RUNDC3B: variants seen among roughly 807,000 people sequenced by gnomAD.
RUNDC3B encodes the protein RUN domain-containing protein 3B.
In RUNDC3B, 33 loss-of-function variants were observed where a neutral mutation model predicts 58.4. The ratio of observed to expected loss-of-function variants is 0.56; its 90% CI spans 0.43 to 0.75. The LOEUF (loss-of-function observed/expected upper bound fraction) is 0.75, where lower values mean the gene tolerates loss of function less well. Among genes scored for constraint, RUNDC3B ranks in the 30% least tolerant of loss-of-function variants. The probability of loss-of-function intolerance (pLI) is 0.00; values close to 1 mark genes in which losing one functional copy is unlikely to be tolerated. For synonymous variants in RUNDC3B, 193 were observed against 195.2 expected (o/e 0.99, Z 0.10); for missense variants, 501 against 535.7 (o/e 0.94, Z 0.64).
At chr7:87,829,262 T>A (rs188918709) in intron 10 of RUNDC3B, among the ~76,000 whole-genome samples, 2 of 152,200 alleles carry the variant, frequency 1.3e-5, no homozygotes, top group Non-Finnish European at 2.9e-5. Flanking sequence ...ATTCTGGAGG[T>A]TGTCTGTTTA....
intron 10 of RUNDC3B, among the ~76,000 whole-genome samples, chr7:87,821,970 C>T (rs1306286193): frequency 2.0e-5 from 3 of 152,214 alleles, no homozygotes; most frequent in East Asian, 3.9e-4. Flanking sequence ...CCATTCAGGA[C>T]ATAGGCATGG....
intron 3 of RUNDC3B, among the ~76,000 whole-genome samples, chr7:87,708,307 C>T (rs1230413964): frequency 6.6e-6 from 1 of 151,856 alleles, no homozygotes; most frequent in Non-Finnish European, 1.5e-5. Flanking sequence ...GAAGAAGAGG[C>T]CAAGTGTGTA....
At chr7:87,637,878 A>G (rs1563092749) in intron 1 of RUNDC3B, among the ~76,000 whole-genome samples, 7 of 151,518 alleles carry the variant, frequency 4.6e-5, no homozygotes, top group South Asian at 4.2e-4. Flanking sequence ...TCCTTTTTCA[A>G]TCTTTATGGC....
chr7:87,715,271 TA>T lies in RUNDC3B; in HGVS notation c.458+4618del, dbSNP rs1330087718. 3.2e-3 allele frequency among the ~76,000 whole-genome samples: 418 copies of T among 131,800 alleles called. 6 individuals are homozygous for T. Among genetic ancestry groups the T allele is most frequent in the African/African-American group, 0.012 (399 of 34,394 alleles). The allele number at this position is 131,800 out of a possible 152,430, so 86.5% of individuals were successfully genotyped here. A position where few individuals can be genotyped will look rare whatever the true frequency, so the allele number is the denominator to read the frequency against. On this transcript the variant is annotated intron_variant, in intron 4 of 10. Transcript: ENST00000394654. The stretch of plus-strand genomic sequence containing the variant: ...AATTATATTATATATAATTAATTTA[TA>T]ATAATTATATATAATTAATTTATAA...
chr7:87,787,139 G>C (rs76853366), intron 8 of RUNDC3B, among the ~76,000 whole-genome samples: 1 of 152,096 alleles, frequency 6.6e-6, no homozygotes, highest in East Asian at 1.9e-4. Flanking sequence ...ACATTTCTTT[G>C]TGAATGTTCA....
rs1013765969 is a variant in RUNDC3B at position 87,699,491 on chromosome 7, C to T, written c.239-930C>T. Reference sequence around the variant, plus strand: ...CAACCTCAGCTCACTGCAACCTTCACCTCTTGTGTTCAAGTGATCCTCCTG... The same window carrying T: ...CAACCTCAGCTCACTGCAACCTTCATCTCTTGTGTTCAAGTGATCCTCCTG... On this transcript the variant is annotated intron_variant, in intron 2 of 10. Transcript: ENST00000394654. Among the ~76,000 whole-genome samples, 5 of 152,226 alleles carry T rather than the reference C, an allele frequency of 3.3e-5. No homozygotes were observed. In the East Asian group the frequency reaches 9.6e-4, roughly 29 times the overall value.
chr7:87,820,210 C>T (rs951083040), intron 10 of RUNDC3B, among the ~76,000 whole-genome samples: 5 of 152,120 alleles, frequency 3.3e-5, no homozygotes, highest in African/African-American at 9.7e-5. Flanking sequence ...GGGGATATCA[C>T]CACCGATCTC....
At chr7:87,631,614 C>T (rs572517295) in intron 1 of RUNDC3B, among the ~76,000 whole-genome samples, 131 of 152,274 alleles carry the variant, frequency 8.6e-4, no homozygotes, top group African/African-American at 3.1e-3. Context: ...AGGATGGTCT[C>T]GATCTGCTGA....
In RUNDC3B at chr7:87,728,555, C is replaced by T. The variant is rs575335887; in HGVS notation, c.459-11236C>T. Among the ~76,000 whole-genome samples the T allele has an allele frequency of 6.6e-5, 10 of 152,298 alleles. No individual in the cohort carries two copies. The South Asian group carries it at 1.0e-3, about 16-fold the overall frequency. On this transcript the variant is annotated intron_variant, in intron 4 of 10. Coordinates refer to ENST00000394654, the MANE Select transcript of RUNDC3B (RefSeq NM_001134405.2). Reference sequence around the variant, plus strand: ...TAGAAGATGTATGCATTACTTGGCTCATGGCCCTGCAACAATTCAACCTCT... The same window carrying T: ...TAGAAGATGTATGCATTACTTGGCTTATGGCCCTGCAACAATTCAACCTCT...
At chr7:87,720,468 C>T (rs182666124) in intron 4 of RUNDC3B, among the ~76,000 whole-genome samples, 5 of 151,520 alleles carry the variant, frequency 3.3e-5, no homozygotes, top group East Asian at 1.9e-4. Flanking sequence ...TAGTAACTTA[C>T]GGCTAAGCAA....
intron 7 of RUNDC3B, 134 bp downstream of exon 7, chr7:87,770,883 C>T: frequency 3.5e-6 from 2 of 571,816 alleles, no homozygotes; most frequent in Non-Finnish European, 5.8e-6. Flanking sequence ...AATTGTCCTC[C>T]TCTTAATGAA....
chr7:87,700,421 G>A lies in RUNDC3B; in HGVS notation c.239G>A (p.Gly80Asp), dbSNP rs781710282. The change falls in exon 3 of 11, where the codon GGT (glycine) becomes GAT (aspartate). Residue 80 changes from glycine to aspartate, a missense_variant and splice_region_variant. Coordinates refer to ENST00000394654, the MANE Select transcript of RUNDC3B (RefSeq NM_001134405.2). The stretch of plus-strand genomic sequence containing the variant: ...TTATATCGCAATTTGTCTCCTGAAG[G>A]TCAAGTAACCTGGTTTGGTTATGAA... Reference protein sequence around the residue: ...LEQILSHRLKGQVTWFGYESP... With the variant: ...LEQILSHRLKDQVTWFGYESP... 4 of 1,595,918 alleles carry A rather than the reference G, an allele frequency of 2.5e-6. No homozygotes were observed. The highest frequency in any genetic ancestry group is 3.6e-5 in the Admixed American group (2 of 55,996).
intron 2 of RUNDC3B, among the ~76,000 whole-genome samples, chr7:87,667,473 G>A (rs1399276492): frequency 6.6e-6 from 1 of 151,470 alleles, no homozygotes; most frequent in Non-Finnish European, 1.5e-5. Context: ...CTATTTGGAT[G>A]CCCTTTATTT....
chr7:87,701,251 C>T (rs1829010578), intron 3 of RUNDC3B, among the ~76,000 whole-genome samples: 1 of 152,110 alleles, frequency 6.6e-6, no homozygotes, highest in Admixed American at 6.5e-5. Flanking sequence ...AGGCATTTGA[C>T]AGATATTTTC....
chr7:87,772,557 A>G (rs962410310), intron 7 of RUNDC3B, among the ~76,000 whole-genome samples: 2 of 152,244 alleles, frequency 1.3e-5, no homozygotes, highest in Non-Finnish European at 2.9e-5. Context: ...GTGGTTAGAG[A>G]CATTTTTTAA....
chr7:87,768,005 G>A (rs892140494), intron 6 of RUNDC3B, among the ~76,000 whole-genome samples: 4 of 152,144 alleles, frequency 2.6e-5, no homozygotes, highest in Admixed American at 2.0e-4. Flanking sequence ...CTCTGCTGGC[G>A]ATCTGTACTC....
chr7:87,652,755 C>G (rs1823713143), intron 2 of RUNDC3B, among the ~76,000 whole-genome samples: 1 of 151,268 alleles, frequency 6.6e-6, no homozygotes, highest in African/African-American at 2.4e-5. Flanking sequence ...TAATATATAG[C>G]AAATTGCTTT....
Position 87,681,384 on chromosome 7 carries a change from A to G in RUNDC3B, c.239-19037A>G, listed in dbSNP as rs956126291. On this transcript the variant is annotated intron_variant, in intron 2 of 10. Coordinates refer to ENST00000394654, the MANE Select transcript of RUNDC3B (RefSeq NM_001134405.2). ...AAATATTACAAGAAAAGGAAACTCTACTCATACTGAGGTATATTGCTTGTT... is the reference window on the plus strand; with the variant it reads ...AAATATTACAAGAAAAGGAAACTCTGCTCATACTGAGGTATATTGCTTGTT... Among the ~76,000 whole-genome samples, 4 of 150,572 alleles carry G rather than the reference A, an allele frequency of 2.7e-5. No individual in the cohort carries two copies. The South Asian group carries it at 8.4e-4, about 32-fold the overall frequency.
chr7:87,783,183 G>C (rs1042030731), intron 8 of RUNDC3B, among the ~76,000 whole-genome samples: 18 of 151,828 alleles, frequency 1.2e-4, no homozygotes, highest in Non-Finnish European at 2.4e-4. Flanking sequence ...TTGTGTATGT[G>C]TGTGTGTGTG....
Sources: allele counts gnomAD v4.1 joint callset (sites outside exome capture counted in the v4.1 genomes callset), GRCh38; gene constraint gnomAD v4.1.1; transcripts MANE v1.5; gene names NCBI Gene and HGNC (gene_info 2026-07-23, HGNC 2026-07-21).